Variants in LRRC4C observed in about 807,000 individuals in gnomAD.
LRRC4C encodes leucine-rich repeat-containing protein 4C.
A neutral mutation model predicts 33.6 loss-of-function variants in LRRC4C; 5 were observed. That is an observed-to-expected ratio of 0.15 (90% CI 0.08 to 0.31). The LOEUF (loss-of-function observed/expected upper bound fraction) is 0.31. Ranked by LOEUF, LRRC4C falls within the 10% of genes least tolerant of loss-of-function variation. The pLI is 1.00. For synonymous variants in LRRC4C, 329 were observed against 302.0 expected (o/e 1.09, Z -0.93); for missense variants, 560 against 796.7 (o/e 0.70, Z 3.58).
At position 40,452,259 on chromosome 11, in the gene LRRC4C, G is replaced by A. The variant is rs376617233; in HGVS notation, c.-269-132538C>T. 1.7e-3 allele frequency among the ~76,000 whole-genome samples: 253 copies of A among 152,176 alleles called. 3 individuals are homozygous for A. In the East Asian group the frequency reaches 0.024, roughly 15 times the overall value. On this transcript the variant is annotated intron_variant, in intron 3 of 6. Transcript: ENST00000528697. ...TGAACAGGCAACCTACAGAATGGGA[G>A]AAAATTTTTGCAGTCTACTCATCTG...
At chr11:40,492,239 A>G (rs1035999105) in intron 3 of LRRC4C, among the ~76,000 whole-genome samples, 4 of 152,204 alleles carry the variant, frequency 2.6e-5, no homozygotes, top group Non-Finnish European at 4.4e-5. Context: ...TCACTCGACT[A>G]CGTTGTCAAA....
At chr11:40,280,052 G>A (rs1258345286) in intron 4 of LRRC4C, among the ~76,000 whole-genome samples, 1 of 152,124 alleles carries the variant, frequency 6.6e-6, no homozygotes, top group Non-Finnish European at 1.5e-5. Context: ...TACAGTTTCA[G>A]TGCCAGCCCT....
intron 3 of LRRC4C, among the ~76,000 whole-genome samples, chr11:40,440,039 T>C (rs1042905787): frequency 1.3e-5 from 2 of 152,204 alleles, no homozygotes; most frequent in African/African-American, 4.8e-5. Flanking sequence ...AGTTGAACAG[T>C]TGCAATAGAG....
At chr11:40,736,405 G>A (rs1194644941) in intron 2 of LRRC4C, among the ~76,000 whole-genome samples, 1 of 152,086 alleles carries the variant, frequency 6.6e-6, no homozygotes, top group African/African-American at 2.4e-5. Flanking sequence ...TCTTTATTCA[G>A]TCTATAATTA....
At chr11:40,996,546 T>C (rs1853986795) in intron 1 of LRRC4C, among the ~76,000 whole-genome samples, 1 of 152,138 alleles carries the variant, frequency 6.6e-6, no homozygotes, top group Admixed American at 6.6e-5. Context: ...CTTGGATAGA[T>C]AGGACCTGTA....
At chr11:41,231,822 C>T (rs143035416) in intron 1 of LRRC4C, among the ~76,000 whole-genome samples, 107 of 151,650 alleles carry the variant, frequency 7.1e-4, no homozygotes, top group African/African-American at 1.2e-3. Context: ...TAGATATACA[C>T]ATATATGTAT....
intron 1 of LRRC4C, among the ~76,000 whole-genome samples, chr11:41,154,784 C>T (rs1944152496): frequency 6.6e-6 from 1 of 152,096 alleles, no homozygotes; most frequent in Non-Finnish European, 1.5e-5. Flanking sequence ...TTCATTGGGA[C>T]TCGTTTTCTT....
chr11:40,711,414 C>A (rs935803557), intron 2 of LRRC4C, among the ~76,000 whole-genome samples: 1 of 152,002 alleles, frequency 6.6e-6, no homozygotes, highest in African/African-American at 2.4e-5. Flanking sequence ...TCTTATCTTC[C>A]CCAGTTATTG....
intron 4 of LRRC4C, among the ~76,000 whole-genome samples, chr11:40,279,259 A>T (rs1179705975): frequency 6.6e-6 from 1 of 152,176 alleles, no homozygotes; most frequent in African/African-American, 2.4e-5. Flanking sequence ...CCAAGAGATC[A>T]GTCCCAAAAG....
intron 4 of LRRC4C, among the ~76,000 whole-genome samples, chr11:40,267,642 C>T (rs994748489): frequency 1.3e-5 from 2 of 152,116 alleles, no homozygotes; most frequent in Admixed American, 6.6e-5. Context: ...TGAGCCACCG[C>T]GCCTGGCCCT....
chr11:41,108,895 A>G (rs1941666674), intron 1 of LRRC4C, among the ~76,000 whole-genome samples: 2 of 152,144 alleles, frequency 1.3e-5, no homozygotes, highest in Non-Finnish European at 2.9e-5. Context: ...TATTAATTGC[A>G]TGAAGAGTTG....
At chr11:41,413,282 C>T (rs982274462) in intron 1 of LRRC4C, among the ~76,000 whole-genome samples, 11 of 152,128 alleles carry the variant, frequency 7.2e-5, no homozygotes, top group Admixed American at 6.6e-5. Flanking sequence ...TTCAATTATC[C>T]TTCCACTCAC....
At chr11:40,294,854 A>G (rs566352397) in intron 4 of LRRC4C, among the ~76,000 whole-genome samples, 1 of 151,808 alleles carries the variant, frequency 6.6e-6, no homozygotes, top group Non-Finnish European at 1.5e-5. Context: ...TAAATAAATA[A>G]AAAAAAAGAA....
intron 1 of LRRC4C, among the ~76,000 whole-genome samples, chr11:41,086,678 A>G (rs2135519380): frequency 6.6e-6 from 1 of 152,246 alleles, no homozygotes; most frequent in South Asian, 2.1e-4. Flanking sequence ...TTTGTGGTTC[A>G]GGATCTATTT....
chr11:41,248,610 C>G (rs1948529396), intron 1 of LRRC4C, among the ~76,000 whole-genome samples: 1 of 152,096 alleles, frequency 6.6e-6, no homozygotes, highest in South Asian at 2.1e-4. Flanking sequence ...ATCACAGGAA[C>G]CACCCACAGA....
chr11:40,857,908 C>T (rs1464692039), intron 2 of LRRC4C, among the ~76,000 whole-genome samples: 1 of 141,906 alleles, frequency 7.0e-6, no homozygotes. Context: ...GAGTAAGATC[C>T]TACCAAAAAA....
intron 1 of LRRC4C, among the ~76,000 whole-genome samples, chr11:41,257,374 A>G (rs536305303): frequency 1.3e-5 from 2 of 152,124 alleles, no homozygotes; most frequent in African/African-American, 4.8e-5. Context: ...GCTGAGACAC[A>G]ATCACATTCC....
chr11:40,891,260 AAT>A (rs1321145417), intron 2 of LRRC4C, among the ~76,000 whole-genome samples: 6 of 152,056 alleles, frequency 3.9e-5, no homozygotes, highest in African/African-American at 1.4e-4. Context: ...AAACAAACAA[AAT>A]CAAACAACAA....
chr11:40,149,845 C>G (rs546127654), intron 5 of LRRC4C, among the ~76,000 whole-genome samples: 1 of 152,106 alleles, frequency 6.6e-6, no homozygotes, highest in African/African-American at 2.4e-5. Flanking sequence ...ATAGGCCAGT[C>G]TAGTAGACAT....
Sources: allele counts gnomAD v4.1 joint callset (sites outside exome capture counted in the v4.1 genomes callset), GRCh38; gene constraint gnomAD v4.1.1; transcripts MANE v1.5; gene names NCBI Gene and HGNC (gene_info 2026-07-23, HGNC 2026-07-21).